PRKN: variants seen among roughly 807,000 people sequenced by gnomAD.
PRKN encodes parkin RBR E3 ubiquitin protein ligase, also known as E3 ubiquitin-protein ligase parkin.
A neutral mutation model predicts 59.5 loss-of-function variants in PRKN; 56 were observed. That is an observed-to-expected ratio of 0.94 (90% CI 0.76 to 1.18). The LOEUF (loss-of-function observed/expected upper bound fraction) is 1.18. Ranked by LOEUF, PRKN falls within the 50% of genes most tolerant of loss-of-function variation. PRKN has a pLI of 0.00. For missense variants in PRKN, 657 were observed against 596.4 expected (o/e 1.10, Z -1.06); for synonymous variants, 250 against 222.1 (o/e 1.13, Z -1.12).
chr6:162,153,941 C>G (rs1487416475), intron 4 of PRKN, among the ~76,000 whole-genome samples: 3 of 152,090 alleles, frequency 2.0e-5, no homozygotes, highest in African/African-American at 7.2e-5. Context: ...AGACATTATT[C>G]AGAAAGAAGT....
At chr6:162,632,357 C>T (rs1045411954) in intron 1 of PRKN, among the ~76,000 whole-genome samples, 8 of 152,094 alleles carry the variant, frequency 5.3e-5, no homozygotes, top group African/African-American at 1.7e-4. Context: ...TCCTTTGCAG[C>T]AACATGGATG....
chr6:162,694,431 G>A (rs544359065), intron 1 of PRKN, among the ~76,000 whole-genome samples: 14 of 152,068 alleles, frequency 9.2e-5, no homozygotes, highest in South Asian at 4.1e-4. Flanking sequence ...CACACAGTAT[G>A]TGTCTTTATG....
chr6:161,691,208 G>A (rs1445397456), intron 7 of PRKN, among the ~76,000 whole-genome samples: 3 of 152,054 alleles, frequency 2.0e-5, no homozygotes, highest in Non-Finnish European at 1.5e-5. Flanking sequence ...TCCACATACT[G>A]CAGTCTACCA....
At chr6:162,405,914 C>G (rs1788042823) in intron 2 of PRKN, among the ~76,000 whole-genome samples, 1 of 152,092 alleles carries the variant, frequency 6.6e-6, no homozygotes, top group East Asian at 1.9e-4. Flanking sequence ...CCCTAGCAAA[C>G]TAACTCACCT....
chr6:162,518,493 G>A (rs548863659), intron 1 of PRKN, among the ~76,000 whole-genome samples: 1 of 152,128 alleles, frequency 6.6e-6, no homozygotes, highest in Non-Finnish European at 1.5e-5. Context: ...AGCCTCCTGA[G>A]TTAGCTGGTA....
intron 2 of PRKN, among the ~76,000 whole-genome samples, chr6:162,304,453 T>A (rs751920868): frequency 6.6e-6 from 1 of 150,812 alleles, no homozygotes; most frequent in African/African-American, 2.4e-5. Flanking sequence ...CCAAAAACTT[T>A]CCATATAACT....
intron 2 of PRKN, among the ~76,000 whole-genome samples, chr6:162,439,774 C>T (rs980506005): frequency 2.6e-5 from 4 of 151,466 alleles, no homozygotes; most frequent in Non-Finnish European, 5.9e-5. Flanking sequence ...TAAGTATCCT[C>T]TCTCCTTTTT....
At chr6:162,153,955 C>T (rs75969813) in intron 4 of PRKN, among the ~76,000 whole-genome samples, 2,916 of 152,248 alleles carry the variant, frequency 0.019, 91 homozygotes, top group African/African-American at 0.065. Flanking sequence ...AAGAAGTACT[C>T]GGGAGAGAGC....
Position 161,707,772 on chromosome 6 carries a change from C to G in PRKN, c.871+78000G>C, listed in dbSNP as rs546669735. 1.4e-4 allele frequency among the ~76,000 whole-genome samples: 22 copies of G among 152,234 alleles called. No homozygotes were observed. In the East Asian group the frequency reaches 3.1e-3, roughly 21 times the overall value. Reference sequence around the variant, plus strand: ...GTGCTCTAATTCCTGTGCAATTTGACAGCAGACCAGTCCTCATCCTACACC... The same window carrying G: ...GTGCTCTAATTCCTGTGCAATTTGAGAGCAGACCAGTCCTCATCCTACACC... On this transcript the variant is annotated intron_variant, in intron 7 of 11. Transcript: ENST00000366898.
chr6:162,631,480 T>C (rs1027495240), intron 1 of PRKN, among the ~76,000 whole-genome samples: 2 of 152,202 alleles, frequency 1.3e-5, no homozygotes, highest in East Asian at 1.9e-4. Flanking sequence ...GTTGGTAGCT[T>C]GCATGTATTC....
chr6:161,388,684 C>T lies in PRKN; in HGVS notation c.1084-1807G>A, dbSNP rs1377030705. Among the ~76,000 whole-genome samples the T allele has an allele frequency of 6.6e-6, 1 of 152,208 alleles. No homozygotes were observed. Among genetic ancestry groups the T allele is most frequent in the Non-Finnish European group, 1.5e-5 (1 of 68,040 alleles). ...TGTACCACTTTCTAGGCCCAGGCCT[C>T]AAGAAACCAGAAGCTTCCATTTCCT... is the stretch of plus-strand genomic sequence containing the variant. On this transcript the variant is annotated intron_variant, in intron 9 of 11. Coordinates refer to ENST00000366898, the MANE Select transcript of PRKN (RefSeq NM_004562.3). This position sits in a 1 kb window ranked among gnomAD's most constrained non-coding sequence, Gnocchi z 4.3.
At chr6:161,970,418 T>C (rs200824797) in intron 6 of PRKN, among the ~76,000 whole-genome samples, 14 of 147,398 alleles carry the variant, frequency 9.5e-5, no homozygotes, top group African/African-American at 3.3e-4. Flanking sequence ...TATATATATA[T>C]ATACATACAC....
rs557783716 is a variant in PRKN at position 162,029,564 on chromosome 6, T to C, written c.618+24527A>G. Among the ~76,000 whole-genome samples the C allele has an allele frequency of 1.6e-4, 25 of 152,324 alleles. No individual in the cohort carries two copies. In the South Asian group the frequency reaches 4.3e-3, roughly 26 times the overall value. On this transcript the variant is annotated intron_variant, in intron 5 of 11. Transcript: ENST00000366898. ...CGTGCACCGCACTCTAGTTCATCCA[T>C]GCCAGCGCTCTTTGCTCTGCTGAGC... is the stretch of plus-strand genomic sequence containing the variant.
intron 2 of PRKN, among the ~76,000 whole-genome samples, chr6:162,336,625 C>T (rs910098482): frequency 4.6e-5 from 7 of 152,178 alleles, no homozygotes; most frequent in Non-Finnish European, 1.0e-4. Flanking sequence ...TGCATGTGAG[C>T]GGGACGCAGG....
intron 2 of PRKN, among the ~76,000 whole-genome samples, chr6:162,386,163 T>C (rs1786794455): frequency 6.6e-6 from 1 of 152,194 alleles, no homozygotes; most frequent in South Asian, 2.1e-4. Context: ...GGACTACAGT[T>C]AATGACGATG....
chr6:161,497,527 G>C lies in PRKN; in HGVS notation c.1083+51327C>G, dbSNP rs952983133. 2.0e-4 allele frequency among the ~76,000 whole-genome samples: 30 copies of C among 151,722 alleles called. No individual in the cohort carries two copies. The highest frequency in any genetic ancestry group is 1.8e-3 in the Admixed American group (27 of 15,226). The stretch of plus-strand genomic sequence containing the variant: ...AAAGAGTCAAGGGTACAATTCTCAA[G>C]TCTGTGTGTGTGCACAGTGCTTACA... On this transcript the variant is annotated intron_variant, in intron 9 of 11. Coordinates refer to ENST00000366898, the MANE Select transcript of PRKN (RefSeq NM_004562.3). This position sits in a 1 kb window ranked among gnomAD's most constrained non-coding sequence, Gnocchi z 4.6.
At chr6:162,060,015 C>T (rs1445057526) in intron 4 of PRKN, among the ~76,000 whole-genome samples, 1 of 152,208 alleles carries the variant, frequency 6.6e-6, no homozygotes, top group East Asian at 1.9e-4. Flanking sequence ...TTGTATGCTA[C>T]AATGAGCTGT....
intron 1 of PRKN, among the ~76,000 whole-genome samples, chr6:162,465,921 T>C (rs990340435): frequency 6.6e-6 from 1 of 152,184 alleles, no homozygotes; most frequent in Non-Finnish European, 1.5e-5. Flanking sequence ...CTTGAATATA[T>C]GGTGACTAAT....
chr6:162,341,579 A>G (rs1409784819), intron 2 of PRKN, among the ~76,000 whole-genome samples: 1 of 152,188 alleles, frequency 6.6e-6, no homozygotes, highest in Non-Finnish European at 1.5e-5. Flanking sequence ...ATGCAGCTAT[A>G]AAAAAGGATG....
Sources: allele counts gnomAD v4.1 joint callset (sites outside exome capture counted in the v4.1 genomes callset), GRCh38; gene constraint gnomAD v4.1.1; non-coding constraint Gnocchi (gnomAD v3.1); transcripts MANE v1.5; gene names NCBI Gene and HGNC (gene_info 2026-07-23, HGNC 2026-07-21).